The following PYURF variants were observed in gnomAD, a reference collection of about 807,000 sequenced individuals.
PYURF encodes protein preY, mitochondrial.
In PYURF, 9 loss-of-function variants were observed where a neutral mutation model predicts 8.0. That is an observed-to-expected ratio of 1.13 (90% confidence interval 0.68 to 1.97). PYURF has a LOEUF of 1.97. Among genes scored for constraint, PYURF ranks in the 30% most tolerant of loss-of-function variants. The probability of loss-of-function intolerance (pLI) is 0.00; values close to 1 mark genes in which losing one functional copy is unlikely to be tolerated. For missense variants in PYURF, 130 were observed against 158.0 expected (o/e 0.82, Z 0.95); for synonymous variants, 56 against 68.3 (o/e 0.82, Z 0.89).
In PYURF at chr4:88,521,742, A is replaced by G. The variant is rs1470820844; in HGVS notation, c.*146T>C. ...AGGCTGAGTAGAACAGTCCTGCTAA[A>G]GAAACCAGTGGAATAAGAACAGTCA... On this transcript the variant is annotated 3_prime_UTR_variant, in exon 2 of 2. Coordinates refer to ENST00000273968, the MANE Select transcript of PYURF (RefSeq NM_032906.5). 6 of 1,613,748 alleles carry G rather than the reference A, an allele frequency of 3.7e-6. No individual in the cohort carries two copies. The East Asian group carries it at 1.3e-4, about 36-fold the overall frequency.
At position 88,521,655 on chromosome 4, in the gene PYURF, C is replaced by G; in HGVS notation, c.*233G>C. 2 of 1,613,994 alleles carry G rather than the reference C, an allele frequency of 1.2e-6. No homozygotes were observed. Among genetic ancestry groups the G allele is most frequent in the East Asian group, 2.2e-5 (1 of 44,884 alleles). On this transcript the variant is annotated 3_prime_UTR_variant, in exon 2 of 2. Coordinates refer to ENST00000273968, the MANE Select transcript of PYURF (RefSeq NM_032906.5). ...ACACTGGTATGGTAATAGGCAAGAG[C>G]AGGCTGTAAAAGCAAAGGCTGGCTG...
Position 88,521,713 on chromosome 4 carries a change from A to T in PYURF, c.*175T>A. The stretch of plus-strand genomic sequence containing the variant: ...GCAGCCCTGTGGGAAGTTTTCTTCC[A>T]CAGAGGCTGAGTAGAACAGTCCTGC... On this transcript the variant is annotated 3_prime_UTR_variant, in exon 2 of 2. Transcript: ENST00000273968. 1.2e-6 allele frequency: 2 copies of T among 1,613,980 alleles called. No homozygotes were observed. The highest frequency in any genetic ancestry group is 1.7e-6 in the Non-Finnish European group (2 of 1,179,860).
At chr4:88,523,212 G>A (rs1304626552) in intron 1 of PYURF, among the ~76,000 whole-genome samples, 8 of 152,174 alleles carry the variant, frequency 5.3e-5, no homozygotes, top group Non-Finnish European at 8.8e-5. Flanking sequence ...TTTTTAAAAC[G>A]GTCCCCGGGT....
intron 1 of PYURF, among the ~76,000 whole-genome samples, chr4:88,523,120 G>A (rs67331468): frequency 0.012 from 967 of 78,710 alleles, 8 homozygotes; most frequent in African/African-American, 0.1. Flanking sequence ...AAAAAAAAAA[G>A]GAAAAGAAAA....
At chr4:88,522,956 C>T (rs1369551620) in intron 1 of PYURF, among the ~76,000 whole-genome samples, 1 of 152,164 alleles carries the variant, frequency 6.6e-6, no homozygotes, top group East Asian at 1.9e-4. Flanking sequence ...GGTTCATAAA[C>T]CTGGTGGTAC....
At position 88,521,507 on chromosome 4, in the gene PYURF, T is replaced by C. The variant is rs987400672; in HGVS notation, c.*381A>G. ...TTCCCGCAAACTAAATTCCATCCAT[T>C]TGAGCTTTCAGAGATCGATGCCCAA... On this transcript the variant is annotated 3_prime_UTR_variant, in exon 2 of 2. Transcript: ENST00000273968. 1.4e-5 allele frequency: 20 copies of C among 1,393,728 alleles called. No homozygotes were observed. The highest frequency in any genetic ancestry group is 3.9e-5 in the Admixed American group (2 of 51,554). The allele number at this position is 1,393,728 out of a possible 1,614,324, so 86.3% of individuals were successfully genotyped here.
At chr4:88,522,137 A>C in intron 1 of PYURF, 108 bp from the exon 2 acceptor site, 1 of 974,116 alleles carries the variant, frequency 1.0e-6, no homozygotes. Context: ...TACGGAGTTA[A>C]TCCCAGAATA....
At chr4:88,523,361 G>A (rs376458664) in intron 1 of PYURF, 137 bp downstream of exon 1, 5 of 909,702 alleles carry the variant, frequency 5.5e-6, no homozygotes, top group Non-Finnish European at 8.4e-6. Flanking sequence ...CGCCCGGCGA[G>A]GACAGAGTCC....
Position 88,523,733 on chromosome 4 carries a change from G to T in PYURF, c.-33C>A. On this transcript the variant is annotated 5_prime_UTR_variant, in exon 1 of 2. In the 5' UTR this introduces an upstream ATG that the reference lacks. Transcript: ENST00000273968. Reference sequence around the variant, plus strand: ...CAGCCGGAGACCAGGCCTCACCGCAGCCTCGCCACCCGTGGCCGAGCTCCC... The same window carrying T: ...CAGCCGGAGACCAGGCCTCACCGCATCCTCGCCACCCGTGGCCGAGCTCCC... The T allele has an allele frequency of 7.1e-7, 1 of 1,411,836 alleles. No individual in the cohort carries two copies. The highest frequency in any genetic ancestry group is 1.5e-5 in the South Asian group (1 of 65,688). The allele number at this position is 1,411,836 out of a possible 1,614,324, so 87.5% of individuals were successfully genotyped here.
chr4:88,521,708 C>T lies in PYURF; in HGVS notation c.*180G>A. The T allele has an allele frequency of 6.2e-7, 1 of 1,613,948 alleles. No homozygotes were observed. Among genetic ancestry groups the T allele is most frequent in the Non-Finnish European group, 8.5e-7 (1 of 1,179,850 alleles). On this transcript the variant is annotated 3_prime_UTR_variant, in exon 2 of 2. Transcript: ENST00000273968. ...CTAGTGCAGCCCTGTGGGAAGTTTTCTTCCACAGAGGCTGAGTAGAACAGT... is the reference window on the plus strand; with the variant it reads ...CTAGTGCAGCCCTGTGGGAAGTTTTTTTCCACAGAGGCTGAGTAGAACAGT...
chr4:88,521,561 G>A lies in PYURF; in HGVS notation c.*327C>T, dbSNP rs1742369401. 6.4e-7 allele frequency: 1 copy of A among 1,573,312 alleles called. No individual in the cohort carries two copies. The highest frequency in any genetic ancestry group is 8.7e-7 in the Non-Finnish European group (1 of 1,143,330). Reference sequence around the variant, plus strand: ...CTATCATTAATATATACAGCATATTGACTCTAGTTGCATCAATTATGCCTG... The same window carrying A: ...CTATCATTAATATATACAGCATATTAACTCTAGTTGCATCAATTATGCCTG... On this transcript the variant is annotated 3_prime_UTR_variant, in exon 2 of 2. Transcript: ENST00000273968.
At position 88,521,819 on chromosome 4, in the gene PYURF, T is replaced by C; in HGVS notation, c.*69A>G. 6.3e-7 allele frequency: 1 copy of C among 1,595,784 alleles called. No homozygotes were observed. Among genetic ancestry groups the C allele is most frequent in the Non-Finnish European group, 8.5e-7 (1 of 1,170,304 alleles). Reference sequence around the variant, plus strand: ...CTCTTCCACTTATTACCTGCCACTGTGTTTTAAAAGGTATATGGTATTAAG... The same window carrying C: ...CTCTTCCACTTATTACCTGCCACTGCGTTTTAAAAGGTATATGGTATTAAG... On this transcript the variant is annotated 3_prime_UTR_variant, in exon 2 of 2. Coordinates refer to ENST00000273968, the MANE Select transcript of PYURF (RefSeq NM_032906.5).
At chr4:88,522,925 G>C (rs1015319163) in intron 1 of PYURF, among the ~76,000 whole-genome samples, 20 of 152,076 alleles carry the variant, frequency 1.3e-4, no homozygotes, top group African/African-American at 4.6e-4. Context: ...GGAAGGCTTC[G>C]GACTTGTCCT....
At position 88,523,737 on chromosome 4, in the gene PYURF, C is replaced by G. The variant is rs1324283736; in HGVS notation, c.-37G>C. Reference sequence around the variant, plus strand: ...CGGAGACCAGGCCTCACCGCAGCCTCGCCACCCGTGGCCGAGCTCCCGGCT... The same window carrying G: ...CGGAGACCAGGCCTCACCGCAGCCTGGCCACCCGTGGCCGAGCTCCCGGCT... On this transcript the variant is annotated 5_prime_UTR_variant, in exon 1 of 2. Transcript: ENST00000273968. The G allele has an allele frequency of 2.8e-6, 4 of 1,403,646 alleles. No individual in the cohort carries two copies. The highest frequency in any genetic ancestry group is 3.7e-6 in the Non-Finnish European group (4 of 1,086,202). The allele number at this position is 1,403,646 out of a possible 1,614,324, so 86.9% of individuals were successfully genotyped here.
intron 1 of PYURF, 92 bp from the exon 2 acceptor site, chr4:88,522,121 T>C (rs980122365): frequency 1.6e-6 from 2 of 1,228,014 alleles, no homozygotes; most frequent in East Asian, 2.6e-5. Context: ...TTTATCCAAT[T>C]TTTGGTACGG....
chr4:88,522,102 A>G (rs530800110), intron 1 of PYURF, 73 bp from the exon 2 acceptor site: 1 of 1,373,704 alleles, frequency 7.3e-7, no homozygotes, highest in East Asian at 2.5e-5. Context: ...TTTTCAACAA[A>G]TACCACCATT....
At chr4:88,522,752 T>C (rs184369756) in intron 1 of PYURF, among the ~76,000 whole-genome samples, 2 of 152,318 alleles carry the variant, frequency 1.3e-5, no homozygotes, top group Non-Finnish European at 2.9e-5. Context: ...TCCCAAAAAC[T>C]AGTTAAAGAG....
chr4:88,522,617 A>C (rs919734727), intron 1 of PYURF, among the ~76,000 whole-genome samples: 2 of 152,194 alleles, frequency 1.3e-5, no homozygotes, highest in African/African-American at 4.8e-5. Flanking sequence ...AAATACGAAA[A>C]ATTGCTAGCA....
intron 1 of PYURF, 147 bp from the exon 2 acceptor site, chr4:88,522,176 G>T (rs1335429757): frequency 2.3e-5 from 15 of 659,376 alleles, no homozygotes; most frequent in African/African-American, 1.7e-4. Flanking sequence ...AGCAACAATA[G>T]CCAATTCAAC....
Sources: allele counts gnomAD v4.1 joint callset (sites outside exome capture counted in the v4.1 genomes callset), GRCh38; gene constraint gnomAD v4.1.1; transcripts MANE v1.5; gene names NCBI Gene and HGNC (gene_info 2026-07-23, HGNC 2026-07-21).